Variants in SMAD2 observed in about 807,000 individuals in gnomAD.
The protein encoded by SMAD2 is SMAD family member 2.
Under a neutral mutation model 64.4 loss-of-function variants are expected in SMAD2, and 8 were observed. The observed-to-expected ratio is 0.12, with a 90% CI of 0.07 to 0.22. The LOEUF (loss-of-function observed/expected upper bound fraction) is 0.22, where lower values mean the gene tolerates loss of function less well. SMAD2 is among the 10% of genes least tolerant of loss of function. SMAD2 has a pLI of 1.00. For synonymous variants in SMAD2, 203 were observed against 195.8 expected (o/e 1.04, Z -0.31); for missense variants, 289 against 561.2 (o/e 0.51, Z 4.90).
In SMAD2 at chr18:47,836,841, TA is replaced by T; in HGVS notation, c.*4985del. 1 of 215,962 alleles carries T rather than the reference TA, an allele frequency of 4.6e-6. No individual in the cohort carries two copies. The highest frequency in any genetic ancestry group is 9.3e-6 in the Non-Finnish European group (1 of 107,314). The allele number at this position is 215,962 out of a possible 1,614,324, so 13.4% of individuals were successfully genotyped here. ...AACACAGGAATTCCACTCCAAGAGA[TA>T]ATTTGCCCCTCAATCCCTACAAAGT... On this transcript the variant is annotated 3_prime_UTR_variant, in exon 11 of 11. Coordinates refer to ENST00000262160, the MANE Select transcript of SMAD2 (RefSeq NM_005901.6).
chr18:47,905,076 T>G (rs1347475296), intron 1 of SMAD2, among the ~76,000 whole-genome samples: 3 of 152,180 alleles, frequency 2.0e-5, no homozygotes, highest in Non-Finnish European at 4.4e-5. Context: ...TGACTTTATA[T>G]TCTACAGTGA....
At position 47,918,896 on chromosome 18, in the gene SMAD2, A is replaced by C. The variant is rs1444632005; in HGVS notation, c.-54+11465T>G. Among the ~76,000 whole-genome samples, 7 of 152,306 alleles carry C rather than the reference A, an allele frequency of 4.6e-5. No homozygotes were observed. The East Asian group carries it at 9.6e-4, about 21-fold the overall frequency. On this transcript the variant is annotated intron_variant, in intron 1 of 10. Coordinates refer to ENST00000262160, the MANE Select transcript of SMAD2 (RefSeq NM_005901.6). The stretch of plus-strand genomic sequence containing the variant: ...GGTCCAATGTCCCAACAACAGTTCC[A>C]AACAGAGATGCAGAGTAGGGGAGTC...
chr18:47,840,318 T>C lies in SMAD2; in HGVS notation c.*1509A>G, dbSNP rs559150555. ...TGGTTATTTTCCATTTCTACTAAGA[T>C]GCAAACAAGAAGAAATGTTTAAACT... On this transcript the variant is annotated 3_prime_UTR_variant, in exon 11 of 11. Transcript: ENST00000262160. 18 of 232,914 alleles carry C rather than the reference T, an allele frequency of 7.7e-5. No individual in the cohort carries two copies. The South Asian group carries it at 3.3e-3, about 42-fold the overall frequency. The allele number at this position is 232,914 out of a possible 1,614,324, so 14.4% of individuals were successfully genotyped here. A position where few individuals can be genotyped will look rare whatever the true frequency, so the allele number is the denominator to read the frequency against.
intron 2 of SMAD2, among the ~76,000 whole-genome samples, chr18:47,872,006 T>A (rs951486863): frequency 3.3e-5 from 5 of 152,190 alleles, no homozygotes; most frequent in Non-Finnish European, 7.4e-5. Flanking sequence ...GGGACTCACA[T>A]GAGAACCAGA....
chr18:47,903,929 T>C (rs918550319), intron 1 of SMAD2, among the ~76,000 whole-genome samples: 1 of 147,222 alleles, frequency 6.8e-6, no homozygotes, highest in African/African-American at 2.5e-5. Context: ...TGGGTTTAAT[T>C]GGGGTGCCAG....
At chr18:47,896,385 A>T in intron 2 of SMAD2, 136 bp downstream of exon 2, 1 of 888,630 alleles carries the variant, frequency 1.1e-6, no homozygotes, top group South Asian at 1.5e-5. Context: ...TAGCAAAAAC[A>T]ATTTATACAA....
intron 6 of SMAD2, among the ~76,000 whole-genome samples, chr18:47,856,255 T>C (rs1449894802): frequency 1.3e-5 from 2 of 152,060 alleles, no homozygotes; most frequent in Non-Finnish European, 2.9e-5. Context: ...ATGTAAGATA[T>C]GCCCAGAGAT....
rs768688135 is a variant in SMAD2 at position 47,845,501 on chromosome 18, T to A, written c.1136-17A>T. 1.2e-6 allele frequency: 2 copies of A among 1,610,756 alleles called. No homozygotes were observed. Among genetic ancestry groups the A allele is most frequent in the South Asian group, 2.2e-5 (2 of 91,022 alleles). ...GATTACAGCCTATGATTAAAAAAGG[T>A]AAAAGAAATTGTCAAAAGAGTATCA... On this transcript the variant is annotated splice_polypyrimidine_tract_variant and intron_variant, in intron 9 of 10. Transcript: ENST00000262160.
At chr18:47,917,029 TGTC>T (rs896051386) in intron 1 of SMAD2, among the ~76,000 whole-genome samples, 2 of 152,070 alleles carry the variant, frequency 1.3e-5, no homozygotes, top group African/African-American at 2.4e-5. Flanking sequence ...CTATTTTTGT[TGTC>T]GTTGTTGAGA....
At chr18:47,843,603 C>G (rs1394764096) in intron 10 of SMAD2, among the ~76,000 whole-genome samples, 1 of 152,176 alleles carries the variant, frequency 6.6e-6, no homozygotes, top group Non-Finnish European at 1.5e-5. Flanking sequence ...ATTTCCTCAG[C>G]TCCAGAATGA....
Position 47,832,234 on chromosome 18 carries a change from T to A in SMAD2, c.*9593A>T, listed in dbSNP as rs1913024663. On this transcript the variant is annotated 3_prime_UTR_variant, in exon 11 of 11. Coordinates refer to ENST00000262160, the MANE Select transcript of SMAD2 (RefSeq NM_005901.6). The stretch of plus-strand genomic sequence containing the variant: ...TAGGGCCATTATAAAAATCTCCTGA[T>A]ACAGAACAGTGTCACTACTTCAAGC... The A allele has an allele frequency of 6.6e-6, 1 of 152,188 alleles. No homozygotes were observed. The highest frequency in any genetic ancestry group is 1.5e-5 in the Non-Finnish European group (1 of 68,022). The allele number at this position is 152,188 out of a possible 1,614,324, so 9.4% of individuals were successfully genotyped here. A position where few individuals can be genotyped will look rare whatever the true frequency, so the allele number is the denominator to read the frequency against.
At chr18:47,875,510 A>T (rs1201370771) in intron 2 of SMAD2, among the ~76,000 whole-genome samples, 1 of 152,214 alleles carries the variant, frequency 6.6e-6, no homozygotes, top group African/African-American at 2.4e-5. Flanking sequence ...AGTGTAAGTT[A>T]TAACTTCTAG....
chr18:47,887,359 TAG>T (rs1476905224), intron 2 of SMAD2, among the ~76,000 whole-genome samples: 2 of 152,212 alleles, frequency 1.3e-5, no homozygotes, highest in Non-Finnish European at 2.9e-5. Flanking sequence ...GGTTCTGAAA[TAG>T]CAGGAAGAGG....
chr18:47,839,110 T>TA lies in SMAD2; in HGVS notation c.*2716dup. ...TCAAACACATTCACACAAATGTAAT[T>TA]ACAACCAGGAAGTAAACTGCTCAAC... On this transcript the variant is annotated 3_prime_UTR_variant, in exon 11 of 11. Transcript: ENST00000262160. 4.3e-6 allele frequency: 1 copy of TA among 233,284 alleles called. No homozygotes were observed. Among genetic ancestry groups the TA allele is most frequent in the Non-Finnish European group, 8.5e-6 (1 of 118,032 alleles). The allele number at this position is 233,284 out of a possible 1,614,324, so 14.5% of individuals were successfully genotyped here.
chr18:47,909,586 G>C (rs1330065499), intron 1 of SMAD2, among the ~76,000 whole-genome samples: 1 of 152,198 alleles, frequency 6.6e-6, no homozygotes, highest in East Asian at 1.9e-4. Context: ...TAACTCTACT[G>C]TTTTGTGCAA....
At position 47,850,588 on chromosome 18, in the gene SMAD2, TATTA is replaced by T. The variant is rs1915305950; in HGVS notation, c.784+682_784+685del. The stretch of plus-strand genomic sequence containing the variant: ...TAATATATATTATATATTATATATA[TATTA>T]TATATATTATGTATAATATATATTA... On this transcript the variant is annotated intron_variant, in intron 7 of 10. Coordinates refer to ENST00000262160, the MANE Select transcript of SMAD2 (RefSeq NM_005901.6). Among the ~76,000 whole-genome samples the T allele has an allele frequency of 5.3e-5, 3 of 56,548 alleles. 1 individual carries two copies. The highest frequency in any genetic ancestry group is 8.9e-4 in the South Asian group (2 of 2,242). The allele number at this position is 56,548 out of a possible 152,430, so 37.1% of individuals were successfully genotyped here. A position where few individuals can be genotyped will look rare whatever the true frequency, so the allele number is the denominator to read the frequency against.
In SMAD2 at chr18:47,921,450, A is replaced by G. The variant is rs571104478; in HGVS notation, c.-54+8911T>C. Among the ~76,000 whole-genome samples the G allele has an allele frequency of 6.6e-5, 10 of 152,300 alleles. No individual in the cohort carries two copies. The South Asian group carries it at 2.1e-3, about 32-fold the overall frequency. ...TGGGTATCCCTGAATTTTGGATTGC[A>G]GTCATGGATTATGTATACAAAAATT... On this transcript the variant is annotated intron_variant, in intron 1 of 10. Coordinates refer to ENST00000262160, the MANE Select transcript of SMAD2 (RefSeq NM_005901.6).
rs1218784728 is a variant in SMAD2 at position 47,841,287 on chromosome 18, T to C, written c.*540A>G. ...TATTTTTGGTAAAAGGCAGAAAAAT[T>C]AGTTTTTCTACAGGAAAATCTGCTT... On this transcript the variant is annotated 3_prime_UTR_variant, in exon 11 of 11. Transcript: ENST00000262160. The C allele has an allele frequency of 1.3e-5, 3 of 233,452 alleles. No homozygotes were observed. Among genetic ancestry groups the C allele is most frequent in the African/African-American group, 6.6e-5 (3 of 45,326 alleles). 14.5% of individuals were successfully genotyped at this position (233,452 alleles called of 1,614,324 possible).
intron 2 of SMAD2, among the ~76,000 whole-genome samples, chr18:47,892,436 G>A (rs768941407): frequency 5.9e-5 from 9 of 152,174 alleles, no homozygotes; most frequent in Admixed American, 6.5e-5. Context: ...CTGACCTCAG[G>A]TGATCTGCCT....
Sources: allele counts gnomAD v4.1 joint callset (sites outside exome capture counted in the v4.1 genomes callset), GRCh38; gene constraint gnomAD v4.1.1; transcripts MANE v1.5; gene names NCBI Gene and HGNC (gene_info 2026-07-23, HGNC 2026-07-21).